The following ILRUN variants were observed in gnomAD, a reference collection of about 807,000 sequenced individuals.
ILRUN encodes the protein protein ILRUN.
ILRUN carries 3 observed loss-of-function variants against 33.8 expected under a neutral mutation model. That is an observed-to-expected ratio of 0.09 (90% confidence interval 0.04 to 0.23). The LOEUF is 0.23. Among genes scored for constraint, ILRUN ranks in the 10% least tolerant of loss-of-function variants. ILRUN has a pLI of 1.00. For missense variants in ILRUN, 210 were observed against 375.1 expected, an observed-to-expected ratio of 0.56 and a Z score of 3.64; for synonymous variants, 124 against 138.9, an observed-to-expected ratio of 0.89 and a Z score of 0.75.
chr6:34,657,254 T>C (rs1374718803), intron 1 of ILRUN, among the ~76,000 whole-genome samples: 2 of 152,212 alleles, frequency 1.3e-5, no homozygotes, highest in African/African-American at 2.4e-5. Context: ...GGCTGCAAAA[T>C]ATGTTTTGGA....
At chr6:34,662,265 C>T in intron 1 of ILRUN, among the ~76,000 whole-genome samples, 1 of 147,300 alleles carries the variant, frequency 6.8e-6, no homozygotes, top group African/African-American at 2.5e-5. Context: ...GAGATCGCGC[C>T]ACTGCACTCC....
chr6:34,640,106 A>T (rs1305157393), intron 3 of ILRUN, among the ~76,000 whole-genome samples: 1 of 152,210 alleles, frequency 6.6e-6, no homozygotes, highest in Non-Finnish European at 1.5e-5. Context: ...CAAAAATCAG[A>T]TACTTATTAG....
chr6:34,669,289 ATTTTTTTTT>A (rs35216384), intron 1 of ILRUN, among the ~76,000 whole-genome samples: 1 of 118,454 alleles, frequency 8.4e-6, no homozygotes, highest in Non-Finnish European at 1.7e-5. Context: ...ACACCCAGCT[ATTTTTTTTT>A]TTTTTTTTTT....
intron 3 of ILRUN, among the ~76,000 whole-genome samples, chr6:34,637,000 A>G (rs540093281): frequency 1.3e-5 from 2 of 152,272 alleles, no homozygotes; most frequent in Admixed American, 6.5e-5. Flanking sequence ...TTCATTTTTA[A>G]TATCTCTGAA....
chr6:34,675,614 A>T (rs778014285), intron 1 of ILRUN, among the ~76,000 whole-genome samples: 24 of 152,188 alleles, frequency 1.6e-4, no homozygotes, highest in Admixed American at 3.9e-4. Flanking sequence ...AAAAAGGAAA[A>T]GACTGCTGGA....
chr6:34,636,264 T>A (rs546959319), intron 3 of ILRUN, among the ~76,000 whole-genome samples: 63 of 151,890 alleles, frequency 4.1e-4, no homozygotes, highest in Middle Eastern at 3.4e-3. Context: ...ATAAATAAAT[T>A]AAATTAAATT....
intron 3 of ILRUN, among the ~76,000 whole-genome samples, chr6:34,626,300 T>A (rs966719931): frequency 6.6e-6 from 1 of 152,208 alleles, no homozygotes. Flanking sequence ...GCCCGCAAAG[T>A]AGCTAGGACT....
intron 3 of ILRUN, among the ~76,000 whole-genome samples, chr6:34,637,649 G>C (rs1317905841): frequency 1.3e-5 from 2 of 152,194 alleles, no homozygotes; most frequent in Non-Finnish European, 2.9e-5. Context: ...TCACAGCCAA[G>C]TGACTAGGCA....
chr6:34,626,432 C>A (rs567147471), intron 3 of ILRUN, among the ~76,000 whole-genome samples: 111 of 152,312 alleles, frequency 7.3e-4, no homozygotes, highest in African/African-American at 2.4e-3. Flanking sequence ...CTGCCTCAGC[C>A]TCTCAAAGGG....
At chr6:34,657,839 T>C (rs771187977) in intron 1 of ILRUN, among the ~76,000 whole-genome samples, 14 of 152,212 alleles carry the variant, frequency 9.2e-5, no homozygotes, top group Non-Finnish European at 2.1e-4. Context: ...ACTCAGCTAT[T>C]ATTAGCCAAC....
intron 1 of ILRUN, among the ~76,000 whole-genome samples, chr6:34,681,648 T>A (rs887230616): frequency 1.3e-5 from 2 of 152,082 alleles, no homozygotes; most frequent in Non-Finnish European, 2.9e-5. Flanking sequence ...TCAGTTTTAG[T>A]CCTGTTGCAT....
intron 3 of ILRUN, chr6:34,616,620 T>G (rs1761897937): frequency 6.4e-7 from 1 of 1,569,588 alleles, no homozygotes; most frequent in Non-Finnish European, 8.6e-7. Context: ...GAGCTGAAGA[T>G]CAATCGCCTG....
chr6:34,666,920 T>C (rs1014235357), intron 1 of ILRUN, among the ~76,000 whole-genome samples: 3 of 152,214 alleles, frequency 2.0e-5, no homozygotes, highest in African/African-American at 7.2e-5. Context: ...GCATTTCTTA[T>C]GCATTCCAGA....
At chr6:34,634,789 T>C (rs1762322077) in intron 3 of ILRUN, among the ~76,000 whole-genome samples, 1 of 152,188 alleles carries the variant, frequency 6.6e-6, no homozygotes, top group Non-Finnish European at 1.5e-5. Context: ...GAACTAGTAA[T>C]TGAAAACCTA....
chr6:34,630,618 G>A (rs191301987), intron 3 of ILRUN, among the ~76,000 whole-genome samples: 181 of 152,248 alleles, frequency 1.2e-3, no homozygotes, highest in South Asian at 7.3e-3. Flanking sequence ...TCTTGACCTC[G>A]TGATCCGCCC....
At chr6:34,683,350 T>C (rs941106436) in intron 1 of ILRUN, among the ~76,000 whole-genome samples, 2 of 148,486 alleles carry the variant, frequency 1.3e-5, no homozygotes, top group African/African-American at 2.5e-5. Flanking sequence ...TTTATATATA[T>C]AATTTTACAT....
intron 3 of ILRUN, among the ~76,000 whole-genome samples, chr6:34,607,133 G>T (rs1403339942): frequency 1.3e-5 from 2 of 152,196 alleles, no homozygotes; most frequent in African/African-American, 4.8e-5. Flanking sequence ...AGAGGTCTGT[G>T]GTGAGATCCA....
rs1761313168 is a variant in ILRUN at position 34,592,472 on chromosome 6, G to T, written c.862-1872C>A. Among the ~76,000 whole-genome samples the T allele has an allele frequency of 6.6e-6, 1 of 152,238 alleles. No homozygotes were observed. The highest frequency in any genetic ancestry group is 6.5e-5 in the Admixed American group (1 of 15,290). On this transcript the variant is annotated intron_variant, in intron 4 of 4. Transcript: ENST00000374023. The surrounding 1 kb of genome is among the most constrained non-coding windows in gnomAD (Gnocchi z 4.0). The stretch of plus-strand genomic sequence containing the variant: ...CACCCACTCAAGCAAGTGTGCACTG[G>T]GGCAGCAAAGGGCTCTCAGATTCCA...
At chr6:34,591,960 G>T (rs1761302758) in intron 4 of ILRUN, among the ~76,000 whole-genome samples, 1 of 152,152 alleles carries the variant, frequency 6.6e-6, no homozygotes, top group Non-Finnish European at 1.5e-5. Flanking sequence ...TGGCTGAGTG[G>T]AAGAAGCTTC....
Sources: gnomAD v4.1 joint callset for allele counts (sites outside exome capture counted in the v4.1 genomes callset) on GRCh38, gnomAD v4.1.1 for gene constraint, Gnocchi (gnomAD v3.1) non-coding constraint, MANE v1.5 for transcripts, NCBI Gene and HGNC (gene_info 2026-07-23, HGNC 2026-07-21) for gene names.